The following CTNNA3 variants were observed in gnomAD, a reference collection of about 807,000 sequenced individuals.
CTNNA3 encodes the protein catenin alpha 3.
A neutral mutation model predicts 95.7 loss-of-function variants in CTNNA3; 76 were observed. That is an observed-to-expected ratio of 0.79 (90% CI 0.66 to 0.96). CTNNA3 has a LOEUF of 0.96. Among genes scored for constraint, CTNNA3 ranks in the 40% least tolerant of loss-of-function variants. The pLI is 0.00. For missense variants in CTNNA3, 1,191 were observed against 1,089.8 expected, an observed-to-expected ratio of 1.09 and a Z score of -1.31; for synonymous variants, 431 against 374.4, an observed-to-expected ratio of 1.15 and a Z score of -1.74.
chr10:66,572,962 G>A (rs1470734359), intron 10 of CTNNA3, among the ~76,000 whole-genome samples: 1 of 152,124 alleles, frequency 6.6e-6, no homozygotes, highest in Non-Finnish European at 1.5e-5. Context: ...AAATTGTACA[G>A]TTTTCCTTGT....
At chr10:66,445,077 G>A (rs1441550654) in intron 11 of CTNNA3, among the ~76,000 whole-genome samples, 1 of 152,056 alleles carries the variant, frequency 6.6e-6, no homozygotes, top group South Asian at 2.1e-4. Flanking sequence ...GACAAAGAAG[G>A]CCATTACATA....
At position 67,360,302 on chromosome 10, in the gene CTNNA3, A is replaced by C. The variant is rs554535342; in HGVS notation, c.580-140432T>G. ...CTATAAAGAAACAATGCAATTGAGAATACAAAGCTACAAGCTAATAATATC... is the reference window on the plus strand; with the variant it reads ...CTATAAAGAAACAATGCAATTGAGACTACAAAGCTACAAGCTAATAATATC... On this transcript the variant is annotated intron_variant, in intron 5 of 17. Coordinates refer to ENST00000433211, the MANE Select transcript of CTNNA3 (RefSeq NM_013266.4). 2.0e-5 allele frequency among the ~76,000 whole-genome samples: 3 copies of C among 152,198 alleles called. No individual in the cohort carries two copies. In the East Asian group the frequency reaches 5.8e-4, roughly 29 times the overall value.
intron 11 of CTNNA3, among the ~76,000 whole-genome samples, chr10:66,388,896 CAT>C (rs2092914262): frequency 1.3e-5 from 2 of 152,098 alleles, no homozygotes; most frequent in South Asian, 4.1e-4. Context: ...AAGCTCTAAA[CAT>C]AGAATGCCCG....
rs189511319 is a variant in CTNNA3 at position 67,485,852 on chromosome 10, C to A, written c.579+35990G>T. 1.8e-3 allele frequency among the ~76,000 whole-genome samples: 274 copies of A among 152,296 alleles called. 1 individual carries two copies. Among genetic ancestry groups the A allele is most frequent in the Middle Eastern group, 3.4e-3 (1 of 294 alleles). ...CTTTCCTTCAAATAAGTCAACTAGA[C>A]GTCTCTTCCTTTTAAAGCCAACAGT... On this transcript the variant is annotated intron_variant, in intron 5 of 17. Coordinates refer to ENST00000433211, the MANE Select transcript of CTNNA3 (RefSeq NM_013266.4).
intron 5 of CTNNA3, among the ~76,000 whole-genome samples, chr10:67,242,117 G>T (rs897799874): frequency 1.3e-5 from 2 of 152,170 alleles, no homozygotes; most frequent in Admixed American, 6.5e-5. Context: ...TCCTGACAAA[G>T]AACTGTTGTA....
intron 13 of CTNNA3, among the ~76,000 whole-genome samples, chr10:66,128,641 G>C (rs2082938282): frequency 6.6e-6 from 1 of 152,196 alleles, no homozygotes; most frequent in South Asian, 2.1e-4. Flanking sequence ...CCAGGGCTTA[G>C]AGGGAGGGGA....
chr10:66,709,301 C>A (rs930004494), intron 9 of CTNNA3, among the ~76,000 whole-genome samples: 2 of 151,948 alleles, frequency 1.3e-5, no homozygotes, highest in Non-Finnish European at 2.9e-5. Context: ...TCCCATCTTC[C>A]AAAAGGGGCC....
At chr10:66,005,122 C>T (rs191649500) in intron 15 of CTNNA3, among the ~76,000 whole-genome samples, 48 of 152,216 alleles carry the variant, frequency 3.2e-4, no homozygotes, top group African/African-American at 1.1e-3. Context: ...AAAAGGTATG[C>T]TTCTGTTATC....
intron 6 of CTNNA3, among the ~76,000 whole-genome samples, chr10:67,200,749 A>G (rs1490018117): frequency 1.3e-5 from 2 of 152,178 alleles, no homozygotes; most frequent in Non-Finnish European, 2.9e-5. Flanking sequence ...ACAGTCACGC[A>G]TGCACTTTTC....
At chr10:66,840,728 T>C (rs993610131) in intron 7 of CTNNA3, among the ~76,000 whole-genome samples, 2 of 152,238 alleles carry the variant, frequency 1.3e-5, no homozygotes, top group Admixed American at 6.5e-5. Flanking sequence ...AAGGCTGTTC[T>C]CTTTTTTAAA....
At chr10:66,720,234 G>A (rs1589166192) in intron 9 of CTNNA3, among the ~76,000 whole-genome samples, 1 of 151,972 alleles carries the variant, frequency 6.6e-6, no homozygotes, top group African/African-American at 2.4e-5. Flanking sequence ...TAAATAGAAG[G>A]GCTATTTGAA....
At chr10:66,342,578 T>C (rs1460145147) in intron 12 of CTNNA3, among the ~76,000 whole-genome samples, 1 of 152,074 alleles carries the variant, frequency 6.6e-6, no homozygotes, top group Non-Finnish European at 1.5e-5. Flanking sequence ...ATATGAAATA[T>C]CAATTGCTTA....
intron 5 of CTNNA3, among the ~76,000 whole-genome samples, chr10:67,492,426 A>G (rs1838878583): frequency 6.6e-6 from 1 of 152,202 alleles, no homozygotes; most frequent in Non-Finnish European, 1.5e-5. Flanking sequence ...CTCTCCTTAG[A>G]AATGTTTGAC....
At chr10:66,083,023 A>C (rs2080824010) in intron 14 of CTNNA3, among the ~76,000 whole-genome samples, 2 of 130,898 alleles carry the variant, frequency 1.5e-5, no homozygotes, top group African/African-American at 5.3e-5. Flanking sequence ...CCTAAAGGAA[A>C]GTCTAAAACT....
At chr10:67,443,163 T>C (rs1846596520) in intron 5 of CTNNA3, among the ~76,000 whole-genome samples, 2 of 150,666 alleles carry the variant, frequency 1.3e-5, no homozygotes, top group South Asian at 4.2e-4. Flanking sequence ...CCATGGTGTA[T>C]ATGTGCCACA....
intron 11 of CTNNA3, among the ~76,000 whole-genome samples, chr10:66,437,847 G>A (rs1346576444): frequency 1.3e-5 from 2 of 152,056 alleles, no homozygotes; most frequent in African/African-American, 2.4e-5. Context: ...TCTACCTTTG[G>A]TCTTTGACGT....
At chr10:67,590,880 T>C (rs1589462006) in intron 3 of CTNNA3, among the ~76,000 whole-genome samples, 1 of 152,138 alleles carries the variant, frequency 6.6e-6, no homozygotes, top group African/African-American at 2.4e-5. Flanking sequence ...GTAGTAAGAT[T>C]TGAATTAGTA....
intron 2 of CTNNA3, among the ~76,000 whole-genome samples, chr10:67,635,404 G>A (rs140851847): frequency 7.0e-4 from 106 of 152,154 alleles, no homozygotes; most frequent in African/African-American, 2.4e-3. Flanking sequence ...GATGAACATC[G>A]ATACAAAAAT....
At chr10:66,658,585 T>C (rs1242644561) in intron 9 of CTNNA3, among the ~76,000 whole-genome samples, 1 of 152,156 alleles carries the variant, frequency 6.6e-6, no homozygotes, top group African/African-American at 2.4e-5. Context: ...AGTGCCAGCA[T>C]TGGAGAGTTT....
Sources: allele counts gnomAD v4.1 joint callset (sites outside exome capture counted in the v4.1 genomes callset), GRCh38; gene constraint gnomAD v4.1.1; transcripts MANE v1.5; gene names NCBI Gene and HGNC (gene_info 2026-07-23, HGNC 2026-07-21).